IFT74: variants seen among roughly 807,000 people sequenced by gnomAD.
IFT74 encodes intraflagellar transport 74.
IFT74 carries 92 observed loss-of-function variants against 96.7 expected under a neutral mutation model. The ratio of observed to expected loss-of-function variants is 0.95; its 90% confidence interval spans 0.80 to 1.13. The LOEUF is 1.13. IFT74 is among the 50% of genes most tolerant of loss of function. IFT74 has a pLI of 0.00. For synonymous variants in IFT74, 223 were observed against 213.2 expected (o/e 1.05, Z -0.40); for missense variants, 811 against 698.2 (o/e 1.16, Z -1.82).
intron 16 of IFT74, among the ~76,000 whole-genome samples, chr9:27,053,832 CA>C (rs1304824591): frequency 6.6e-6 from 1 of 152,184 alleles, no homozygotes; most frequent in Non-Finnish European, 1.5e-5. Context: ...AGGCTAAAAA[CA>C]GTTCCTATTT....
chr9:26,982,502 GCT>G (rs1827430037), intron 4 of IFT74: 1 of 331,766 alleles, frequency 3.0e-6, no homozygotes, highest in Admixed American at 3.7e-5. Flanking sequence ...TGTTGCCCAG[GCT>G]GGAGTGCAAT....
chr9:27,047,061 T>C (rs1377641796), intron 14 of IFT74, among the ~76,000 whole-genome samples: 2 of 152,146 alleles, frequency 1.3e-5, no homozygotes, highest in African/African-American at 2.4e-5. Flanking sequence ...TAGTCCCAGC[T>C]ACTCAGGAGG....
intron 12 of IFT74, among the ~76,000 whole-genome samples, chr9:27,024,093 C>A (rs1829740003): frequency 6.6e-6 from 1 of 152,224 alleles, no homozygotes; most frequent in African/African-American, 2.4e-5. Flanking sequence ...ACAGAACAAT[C>A]CTGCTCCAAG....
In IFT74 at chr9:27,042,983, G is replaced by A. The variant is rs75376078; in HGVS notation, c.1055-1759G>A. On this transcript the variant is annotated intron_variant, in intron 13 of 19. Transcript: ENST00000380062. ...ATATATAAACACACACACATATACA[G>A]ACAAAGTTTGTTTAATAACAGAGTA... 7.8e-3 allele frequency among the ~76,000 whole-genome samples: 1,187 copies of A among 152,256 alleles called. 16 individuals are homozygous for A. Among genetic ancestry groups the A allele is most frequent in the African/African-American group, 0.027 (1,117 of 41,562 alleles).
intron 1 of IFT74, among the ~76,000 whole-genome samples, chr9:26,950,771 T>A (rs1354466293): frequency 1.3e-5 from 2 of 152,230 alleles, no homozygotes; most frequent in East Asian, 3.8e-4. Flanking sequence ...TAATGTGTGT[T>A]GTCTTTTAAC....
chr9:27,048,418 CT>C, intron 16 of IFT74, 144 bp downstream of exon 16: 2 of 563,504 alleles, frequency 3.5e-6, no homozygotes, highest in Non-Finnish European at 6.2e-6. Context: ...TTTTCATCAG[CT>C]GGCTAGTATT....
intron 2 of IFT74, among the ~76,000 whole-genome samples, chr9:26,973,335 G>A (rs1826960754): frequency 1.3e-5 from 2 of 152,148 alleles, no homozygotes; most frequent in African/African-American, 4.8e-5. Flanking sequence ...GAGACATACA[G>A]GGTTTAAGGA....
rs199541753 is a variant in IFT74, at chr9:27,060,701, A to G, written c.1684+50A>G. The G allele has an allele frequency of 5.0e-4, 697 of 1,382,170 alleles. 3 individuals carry two copies. The African/African-American group carries it at 8.9e-3, about 18-fold the overall frequency. 85.6% of individuals were successfully genotyped at this position (1,382,170 alleles called of 1,614,324 possible). A position where few individuals can be genotyped will look rare whatever the true frequency, so the allele number is the denominator to read the frequency against. On this transcript the variant is annotated intron_variant, in intron 19 of 19. Coordinates refer to ENST00000380062, the MANE Select transcript of IFT74 (RefSeq NM_025103.4). Reference sequence around the variant, plus strand: ...GGGCCGGGTGCGGTGGCTCATGCCTATAGTCCCAACACTTTGGGAGGCCGA... The same window carrying G: ...GGGCCGGGTGCGGTGGCTCATGCCTGTAGTCCCAACACTTTGGGAGGCCGA...
intron 19 of IFT74, among the ~76,000 whole-genome samples, chr9:27,061,867 C>G (rs959862149): frequency 6.6e-6 from 1 of 152,010 alleles, no homozygotes; most frequent in Admixed American, 6.6e-5. Context: ...ATACTTATGT[C>G]TCATCTTATT....
intron 18 of IFT74, among the ~76,000 whole-genome samples, chr9:27,059,737 T>C (rs1203953219): frequency 6.6e-6 from 1 of 152,224 alleles, no homozygotes; most frequent in Non-Finnish European, 1.5e-5. Flanking sequence ...AACAATGAGA[T>C]GGATCTACAT....
chr9:26,999,761 C>CTTT, intron 8 of IFT74: 5 of 638,284 alleles, frequency 7.8e-6, no homozygotes, highest in Non-Finnish European at 1.2e-5. Context: ...TCTTTTGAAT[C>CTTT]TGTTTATTCT....
intron 10 of IFT74, among the ~76,000 whole-genome samples, chr9:27,015,608 G>T (rs1829300632): frequency 6.6e-6 from 1 of 152,164 alleles, no homozygotes; most frequent in African/African-American, 2.4e-5. Context: ...CTGCACTCCA[G>T]CCTGGGTGAA....
chr9:26,976,442 C>A, intron 2 of IFT74: 1 of 186,316 alleles, frequency 5.4e-6, no homozygotes, highest in Non-Finnish European at 1.1e-5. Flanking sequence ...GTGACTCCTG[C>A]CCTCGTGCCC....
chr9:26,974,821 A>ATCCT (rs1274751632), intron 2 of IFT74, among the ~76,000 whole-genome samples: 1 of 152,174 alleles, frequency 6.6e-6, no homozygotes, highest in Non-Finnish European at 1.5e-5. Context: ...ATCCAACAGG[A>ATCCT]GCTGAAGCTC....
At chr9:27,031,245 G>A (rs897513768) in intron 13 of IFT74, among the ~76,000 whole-genome samples, 2 of 152,234 alleles carry the variant, frequency 1.3e-5, no homozygotes, top group East Asian at 1.9e-4. Flanking sequence ...TTGGGATGCC[G>A]AGGTGGGCGG....
intron 13 of IFT74, among the ~76,000 whole-genome samples, chr9:27,042,526 CACTG>C (rs1819525619): frequency 6.6e-6 from 1 of 152,132 alleles, no homozygotes; most frequent in African/African-American, 2.4e-5. Flanking sequence ...TGTATAATCT[CACTG>C]AGAACAATTT....
At chr9:26,962,152 G>A in intron 2 of IFT74, 65 bp downstream of exon 2, 1 of 1,534,324 alleles carries the variant, frequency 6.5e-7, no homozygotes, top group Non-Finnish European at 9.0e-7. Flanking sequence ...GAGTCCAGGA[G>A]ACTGGGGCTT....
intron 13 of IFT74, among the ~76,000 whole-genome samples, chr9:27,031,259 A>C (rs958860189): frequency 6.6e-6 from 1 of 152,102 alleles, no homozygotes; most frequent in African/African-American, 2.4e-5. Flanking sequence ...TGGGCGGATC[A>C]CCAGGTCAGG....
intron 9 of IFT74, 144 bp from the exon 10 acceptor site, chr9:27,011,762 G>C (rs1829090362): frequency 2.4e-6 from 1 of 412,756 alleles, no homozygotes; most frequent in Admixed American, 4.5e-5. Context: ...AGATGCCAGT[G>C]AAGATATTTA....
Sources: gnomAD v4.1 joint callset for allele counts (sites outside exome capture counted in the v4.1 genomes callset) on GRCh38, gnomAD v4.1.1 for gene constraint, MANE v1.5 for transcripts, NCBI Gene and HGNC (gene_info 2026-07-23, HGNC 2026-07-21) for gene names.